The following ZFP1 variants were observed in gnomAD, a reference collection of about 807,000 sequenced individuals.
ZFP1 encodes zinc finger protein 1 homolog.
ZFP1 carries 32 observed loss-of-function variants against 38.5 expected under a neutral mutation model. The ratio of observed to expected loss-of-function variants is 0.83; its 90% CI spans 0.63 to 1.12. ZFP1 has a LOEUF of 1.12. Among genes scored for constraint, ZFP1 ranks in the 50% most tolerant of loss-of-function variants. The probability of loss-of-function intolerance (pLI) is 0.00; values close to 1 mark genes in which losing one functional copy is unlikely to be tolerated. For missense variants in ZFP1, 616 were observed against 480.8 expected (o/e 1.28, Z -2.63); for synonymous variants, 245 against 168.8 (o/e 1.45, Z -3.50).
At chr16:75,147,452 A>ATTT (rs34096115), upstream of ZFP1, among the ~76,000 whole-genome samples, 8 of 140,934 alleles carry the variant, frequency 5.7e-5, no homozygotes, top group East Asian at 2.1e-4. Flanking sequence ...TAATTTTTGT[A>ATTT]TTTTTTTTTT....
chr16:75,139,432 C>G, the ZFP1 span, among the ~76,000 whole-genome samples: 1 of 149,798 alleles, frequency 6.7e-6, no homozygotes, highest in Admixed American at 6.7e-5. Context: ...GGGCTCACGC[C>G]TATAATTTCA....
At chr16:75,120,876 C>T in the ZFP1 span, among the ~76,000 whole-genome samples, 2 of 152,294 alleles carry the variant, frequency 1.3e-5, no homozygotes, top group East Asian at 3.9e-4. Flanking sequence ...CCGCCCGCCT[C>T]AGCCTCCCAA....
At chr16:75,167,427 A>G (rs1338911896) in intron 3 of ZFP1, among the ~76,000 whole-genome samples, 2 of 149,498 alleles carry the variant, frequency 1.3e-5, no homozygotes, top group Admixed American at 6.7e-5. Context: ...TCTTATAGAT[A>G]TTTGCCTCTC....
intron 2 of ZFP1, among the ~76,000 whole-genome samples, chr16:75,155,182 G>A (rs2037410773): frequency 6.6e-6 from 1 of 152,230 alleles, no homozygotes; most frequent in Non-Finnish European, 1.5e-5. Flanking sequence ...CTAAGTGGGA[G>A]TGCAGTGATG....
intron 2 of ZFP1, among the ~76,000 whole-genome samples, chr16:75,161,392 C>G (rs944154620): frequency 4.6e-5 from 7 of 151,618 alleles, no homozygotes; most frequent in African/African-American, 1.5e-4. Flanking sequence ...TCTGCTTGGG[C>G]TTTGTTGTTC....
Position 75,171,070 on chromosome 16 carries a change from G to T in ZFP1, c.*736G>T, listed in dbSNP as rs1478659858. On this transcript the variant is annotated 3_prime_UTR_variant, in exon 4 of 4. Transcript: ENST00000570010. ...AACGTGAAGGAGGCAGACATGAGCTGTACTACTCAGTATGCACCACAGAAT... is the reference window on the plus strand; with the variant it reads ...AACGTGAAGGAGGCAGACATGAGCTTTACTACTCAGTATGCACCACAGAAT... The T allele has an allele frequency of 1.4e-5, 2 of 143,970 alleles. No individual in the cohort carries two copies. The highest frequency in any genetic ancestry group is 3.1e-5 in the Non-Finnish European group (2 of 64,688). The allele number at this position is 143,970 out of a possible 1,614,324, so 8.9% of individuals were successfully genotyped here.
chr16:75,142,875 T>C, the ZFP1 span, among the ~76,000 whole-genome samples: 20 of 152,220 alleles, frequency 1.3e-4, no homozygotes, highest in African/African-American at 4.1e-4. Flanking sequence ...CTAATTTTTA[T>C]ATTTTTAGTA....
chr16:75,152,549 A>C (rs1272493735), intron 1 of ZFP1, among the ~76,000 whole-genome samples: 4 of 152,170 alleles, frequency 2.6e-5, no homozygotes, highest in African/African-American at 9.7e-5. Flanking sequence ...ATCTCTGCTG[A>C]AATTCCCTAT....
At chr16:75,148,823 A>T (rs1291480245) in intron 1 of ZFP1, 180 bp downstream of exon 1, 1 of 152,226 alleles carries the variant, frequency 6.6e-6, no homozygotes, top group Non-Finnish European at 1.5e-5. Context: ...CCGGCGGGGC[A>T]CGCCTGGCCG....
At chr16:75,157,681 T>C (rs1334647072) in intron 2 of ZFP1, among the ~76,000 whole-genome samples, 1 of 152,208 alleles carries the variant, frequency 6.6e-6, no homozygotes, top group Non-Finnish European at 1.5e-5. Flanking sequence ...TGTGCACACA[T>C]ATGATTCTGT....
At chr16:75,163,354 G>GAGTGTAGT (rs1252832631) in intron 2 of ZFP1, among the ~76,000 whole-genome samples, 1 of 151,904 alleles carries the variant, frequency 6.6e-6, no homozygotes, top group African/African-American at 2.4e-5. Flanking sequence ...GCCCAGGCTA[G>GAGTGTAGT]AGTGTAGTAG....
the ZFP1 span, among the ~76,000 whole-genome samples, chr16:75,137,458 A>ATTCTT: frequency 4.0e-4 from 14 of 34,852 alleles, no homozygotes; most frequent in Non-Finnish European, 7.2e-4. Context: ...TACAAAAAAA[A>ATTCTT]TTCTTTTTTT....
the ZFP1 span, among the ~76,000 whole-genome samples, chr16:75,136,904 G>C: frequency 6.6e-6 from 1 of 152,006 alleles, no homozygotes; most frequent in Non-Finnish European, 1.5e-5. Context: ...AAAGGACCCT[G>C]TTTGTAGATA....
In ZFP1 at chr16:75,169,526, A is replaced by C; in HGVS notation, c.416A>C (p.Lys139Thr). The change falls in exon 4 of 4, where the codon AAA becomes ACA. Residue 139 changes from lysine (K) to threonine (T), a missense_variant. Transcript: ENST00000570010. ...KQTDECNEFG[K>T]ALLYLKQEKT... ...ACTGATGAGTGTAATGAATTTGGAAAAGCACTTCTCTACCTGAAGCAAGAG... is the reference window on the plus strand; with the variant it reads ...ACTGATGAGTGTAATGAATTTGGAACAGCACTTCTCTACCTGAAGCAAGAG... The C allele has an allele frequency of 5.0e-6, 8 of 1,613,186 alleles. No individual in the cohort carries two copies. Among genetic ancestry groups the C allele is most frequent in the Non-Finnish European group, 6.8e-6 (8 of 1,179,862 alleles).
At chr16:75,150,464 C>T (rs915825848) in intron 1 of ZFP1, among the ~76,000 whole-genome samples, 1 of 152,166 alleles carries the variant, frequency 6.6e-6, no homozygotes, top group Non-Finnish European at 1.5e-5. Flanking sequence ...GGTGATCCAC[C>T]TGCCTCGGCC....
At chr16:75,137,412 G>A in the ZFP1 span, among the ~76,000 whole-genome samples, 2 of 148,774 alleles carry the variant, frequency 1.3e-5, no homozygotes, top group Non-Finnish European at 3.0e-5. Context: ...AGAAGTTCAA[G>A]ACCAGCATGG....
intron 3 of ZFP1, among the ~76,000 whole-genome samples, chr16:75,168,324 T>C (rs1228497009): frequency 6.6e-6 from 1 of 152,144 alleles, no homozygotes; most frequent in African/African-American, 2.4e-5. Context: ...AACTTTATCC[T>C]TAAGATGCTG....
the ZFP1 span, among the ~76,000 whole-genome samples, chr16:75,141,633 C>T: frequency 6.6e-6 from 1 of 151,814 alleles, no homozygotes; most frequent in Non-Finnish European, 1.5e-5. Context: ...GCCTATAATC[C>T]CAGTGCTTTG....
chr16:75,162,153 C>G (rs573052448), intron 2 of ZFP1, among the ~76,000 whole-genome samples: 1 of 151,950 alleles, frequency 6.6e-6, no homozygotes, highest in African/African-American at 2.4e-5. Context: ...GACAGGGTCT[C>G]ACTTTGTCAC....
Sources: allele counts gnomAD v4.1 joint callset (sites outside exome capture counted in the v4.1 genomes callset), GRCh38; gene constraint gnomAD v4.1.1; transcripts MANE v1.5; gene names NCBI Gene and HGNC (gene_info 2026-07-23, HGNC 2026-07-21).